Variants in KCNJ15 observed in about 807,000 individuals in gnomAD.
KCNJ15 encodes ATP-sensitive inward rectifier potassium channel 15.
In KCNJ15, 14 loss-of-function variants were observed where a neutral mutation model predicts 23.0. That is an observed-to-expected ratio of 0.61 (90% confidence interval 0.40 to 0.95). The LOEUF (loss-of-function observed/expected upper bound fraction) is 0.95. KCNJ15 is among the 40% of genes least tolerant of loss of function. KCNJ15 has a pLI of 0.00. For missense variants in KCNJ15, 388 were observed against 461.8 expected (o/e 0.84, Z 1.46); for synonymous variants, 185 against 183.2 (o/e 1.01, Z -0.08).
chr21:38,287,341 T>C (rs1050713910), intron 1 of KCNJ15, among the ~76,000 whole-genome samples: 1 of 152,328 alleles, frequency 6.6e-6, no homozygotes, highest in Non-Finnish European at 1.5e-5. Flanking sequence ...CTAAGAAGGA[T>C]GGCTTTACGT....
Position 38,303,168 on chromosome 21 carries a change from T to C in KCNJ15, c.*2779T>C, listed in dbSNP as rs1038711130. 3.2e-4 allele frequency: 48 copies of C among 151,998 alleles called. No individual in the cohort carries two copies. Among genetic ancestry groups the C allele is most frequent in the African/African-American group, 1.1e-3 (46 of 41,404 alleles). The allele number at this position is 151,998 out of a possible 1,614,324, so 9.4% of individuals were successfully genotyped here. A position where few individuals can be genotyped will look rare whatever the true frequency, so the allele number is the denominator to read the frequency against. On this transcript the variant is annotated 3_prime_UTR_variant, in exon 3 of 3. Coordinates refer to ENST00000398938, the MANE Select transcript of KCNJ15 (RefSeq NM_170736.3). ...TTCCTGGAACCTTAACTATTATTAC[T>C]TTGTACGTAATACTTTCATGTTACT... is the stretch of plus-strand genomic sequence containing the variant.
chr21:38,275,161 G>A (rs543965577), intron 1 of KCNJ15, among the ~76,000 whole-genome samples: 121 of 152,204 alleles, frequency 7.9e-4, no homozygotes, highest in African/African-American at 2.5e-3. Flanking sequence ...GCAAACCAAC[G>A]TGGTGATTCT....
At chr21:38,269,256 T>C (rs1457786246) in intron 1 of KCNJ15, among the ~76,000 whole-genome samples, 1 of 152,182 alleles carries the variant, frequency 6.6e-6, no homozygotes, top group African/African-American at 2.4e-5. Flanking sequence ...CAAAACTTAC[T>C]TTGTAAAGAA....
rs1986084755 is a variant in KCNJ15 at position 38,307,151 on chromosome 21, GATACTCT to G, written c.*6763_*6769del. 6.6e-6 allele frequency: 1 copy of G among 152,160 alleles called. No homozygotes were observed. Among genetic ancestry groups the G allele is most frequent in the Non-Finnish European group, 1.5e-5 (1 of 68,032 alleles). The allele number at this position is 152,160 out of a possible 1,614,324, so 9.4% of individuals were successfully genotyped here. A position where few individuals can be genotyped will look rare whatever the true frequency, so the allele number is the denominator to read the frequency against. Reference sequence around the variant, plus strand: ...TGTCGGAAATCTCACACTAACTGTGGATACTCTGTCATCACTGAACCCAATCATACAA... The same window carrying G: ...TGTCGGAAATCTCACACTAACTGTGGGTCATCACTGAACCCAATCATACAA... On this transcript the variant is annotated 3_prime_UTR_variant, in exon 3 of 3. Coordinates refer to ENST00000398938, the MANE Select transcript of KCNJ15 (RefSeq NM_170736.3).
chr21:38,300,090 T>A lies in KCNJ15; in HGVS notation c.829T>A (p.Phe277Ile). Residue 277 changes from phenylalanine (F) to isoleucine (I), a missense_variant, in exon 3 of 3, where the codon TTT becomes ATT. By Grantham distance (21) the Phe-to-Ile change is conservative (BLOSUM62 0). Transcript: ENST00000398938. ...ACCCCAAAACCTAAAGGAGAAGGAG[T>A]TTGAGCTTGTGGTCCTCCTCAATGC... ...LTPQNLKEKE[F>I]ELVVLLNATV... 2 of 1,613,848 alleles carry A rather than the reference T, an allele frequency of 1.2e-6. No homozygotes were observed. The highest frequency in any genetic ancestry group is 1.7e-6 in the Non-Finnish European group (2 of 1,179,960).
At chr21:38,291,763 T>C (rs548736408) in intron 1 of KCNJ15, 9 of 152,284 alleles carry the variant, frequency 5.9e-5, no homozygotes, top group African/African-American at 1.7e-4. Flanking sequence ...ACCCAGTCAT[T>C]TGCATTTTTA....
At chr21:38,241,936 T>C (rs759001998) in intron 1 of KCNJ15, among the ~76,000 whole-genome samples, 9 of 149,384 alleles carry the variant, frequency 6.0e-5, no homozygotes, top group Non-Finnish European at 1.2e-4. Flanking sequence ...GCCACTGCCC[T>C]TCAGCCTGGG....
intron 1 of KCNJ15, among the ~76,000 whole-genome samples, chr21:38,288,035 T>TTTTTTTC: frequency 2.7e-5 from 2 of 74,026 alleles, no homozygotes; most frequent in Admixed American, 1.4e-4. Flanking sequence ...TCTTTGTTTT[T>TTTTTTTC]TTTTTTTTTT....
chr21:38,237,745 A>G (rs1646028881), intron 1 of KCNJ15, among the ~76,000 whole-genome samples: 1 of 152,210 alleles, frequency 6.6e-6, no homozygotes, highest in African/African-American at 2.4e-5. Context: ...TTACATAACC[A>G]AGTCCAGTGA....
At chr21:38,247,575 T>C (rs991793599) in intron 1 of KCNJ15, among the ~76,000 whole-genome samples, 1 of 152,016 alleles carries the variant, frequency 6.6e-6, no homozygotes, top group African/African-American at 2.4e-5. Flanking sequence ...GATGGAAAGA[T>C]GCATGCATGC....
rs2044720094 is a variant in KCNJ15 at position 38,267,949 on chromosome 21, C to A, written c.-117+10764C>A. ...AGGGGGTTACATCTGTTCTTGTAGT[C>A]ACATAATTACTGGAGACATGAAGGA... On this transcript the variant is annotated intron_variant, in intron 1 of 2. Coordinates refer to ENST00000398938, the MANE Select transcript of KCNJ15 (RefSeq NM_170736.3). Among the ~76,000 whole-genome samples, 3 of 152,116 alleles carry A rather than the reference C, an allele frequency of 2.0e-5. No homozygotes were observed. In the South Asian group the frequency reaches 6.2e-4, roughly 31 times the overall value.
At chr21:38,288,030 G>GTTTTTTTTTTTTTTTTTTTTTT (rs71184612) in intron 1 of KCNJ15, among the ~76,000 whole-genome samples, 3 of 81,424 alleles carry the variant, frequency 3.7e-5, no homozygotes, top group African/African-American at 5.0e-5. Context: ...TTTTTTCTTT[G>GTTTTTTTTTTTTTTTTTTTTTT]TTTTTTTTTT....
At chr21:38,294,251 A>C (rs961102303) in intron 1 of KCNJ15, among the ~76,000 whole-genome samples, 11 of 152,244 alleles carry the variant, frequency 7.2e-5, no homozygotes, top group African/African-American at 2.4e-4. Flanking sequence ...GCAAAAAAGC[A>C]AAAAGCTTTT....
intron 1 of KCNJ15, chr21:38,296,709 C>T (rs1985200744): frequency 6.5e-6 from 1 of 152,676 alleles, no homozygotes; most frequent in South Asian, 2.1e-4. Flanking sequence ...GGAGCTCCCT[C>T]CAGGGGCTGG....
At chr21:38,256,475 G>A (rs1980258837), upstream of KCNJ15, among the ~76,000 whole-genome samples, 2 of 151,052 alleles carry the variant, frequency 1.3e-5, no homozygotes, top group African/African-American at 4.9e-5. Context: ...ATTTTGCTTA[G>A]GTATGTTTGA....
upstream of KCNJ15, chr21:38,256,700 T>G (rs1187280329): frequency 6.6e-6 from 1 of 152,184 alleles, no homozygotes; most frequent in Non-Finnish European, 1.5e-5. Context: ...CTTCAAAGAT[T>G]AACTGGCATT....
chr21:38,231,748 G>T (rs1183762488), intron 1 of KCNJ15, among the ~76,000 whole-genome samples: 1 of 151,468 alleles, frequency 6.6e-6, no homozygotes, highest in Non-Finnish European at 1.5e-5. Flanking sequence ...TCTTTCTATT[G>T]ATATGGGGCA....
In KCNJ15 at chr21:38,287,152, G is replaced by A. The variant is rs1983996023; in HGVS notation, c.-116-9774G>A. Among the ~76,000 whole-genome samples, 3 of 152,118 alleles carry A rather than the reference G, an allele frequency of 2.0e-5. No homozygotes were observed. In the South Asian group the frequency reaches 6.2e-4, roughly 32 times the overall value. On this transcript the variant is annotated intron_variant, in intron 1 of 2. Coordinates refer to ENST00000398938, the MANE Select transcript of KCNJ15 (RefSeq NM_170736.3). Reference sequence around the variant, plus strand: ...TGTGTCTCACTAGTCCACCAAAAAAGACCATAACATAAAATGTTAAGAGCC... The same window carrying A: ...TGTGTCTCACTAGTCCACCAAAAAAAACCATAACATAAAATGTTAAGAGCC...
chr21:38,288,722 GGAA>G (rs1984250455), intron 1 of KCNJ15, among the ~76,000 whole-genome samples: 1 of 152,282 alleles, frequency 6.6e-6, no homozygotes, highest in South Asian at 2.1e-4. Context: ...TTTACTTAAG[GGAA>G]AGTCAGTTTG....
Sources: allele counts gnomAD v4.1 joint callset (sites outside exome capture counted in the v4.1 genomes callset), GRCh38; gene constraint gnomAD v4.1.1; transcripts MANE v1.5; gene names NCBI Gene and HGNC (gene_info 2026-07-23, HGNC 2026-07-21).